PDE4D: variants seen among roughly 807,000 people sequenced by gnomAD.
PDE4D encodes the protein phosphodiesterase 4D.
In PDE4D, 24 loss-of-function variants were observed where a neutral mutation model predicts 87.4. That is an observed-to-expected ratio of 0.27 (90% CI 0.20 to 0.39). The LOEUF (loss-of-function observed/expected upper bound fraction) is 0.39. Among genes scored for constraint, PDE4D ranks in the 10% least tolerant of loss-of-function variants. The probability of loss-of-function intolerance (pLI) is 1.00; values close to 1 mark genes in which losing one functional copy is unlikely to be tolerated. For missense variants in PDE4D, 714 were observed against 1,041.0 expected (o/e 0.69, Z 4.32); for synonymous variants, 384 against 383.2 (o/e 1.00, Z -0.02).
At chr5:59,292,343 T>C (rs1561896118) in intron 1 of PDE4D, among the ~76,000 whole-genome samples, 1 of 152,178 alleles carries the variant, frequency 6.6e-6, no homozygotes, top group Admixed American at 6.6e-5. Flanking sequence ...AAAATAACAA[T>C]CTTGCAAATA....
chr5:60,220,512 G>C (rs957523475), intron 1 of PDE4D, among the ~76,000 whole-genome samples: 1 of 152,090 alleles, frequency 6.6e-6, no homozygotes, highest in Non-Finnish European at 1.5e-5. Context: ...TATTGGTCTA[G>C]TAAGGCCTAG....
intron 5 of PDE4D, among the ~76,000 whole-genome samples, chr5:59,171,927 AAATATT>A (rs1561621582): frequency 8.8e-6 from 1 of 113,128 alleles, no homozygotes; most frequent in Non-Finnish European, 1.6e-5. Flanking sequence ...ATTATATAAT[AAATATT>A]ATATTTATTT....
chr5:60,247,484 T>C (rs1355530635), intron 1 of PDE4D, among the ~76,000 whole-genome samples: 2 of 151,996 alleles, frequency 1.3e-5, no homozygotes, highest in Non-Finnish European at 2.9e-5. Flanking sequence ...TGAAACTTTT[T>C]CAGTTCACAA....
At chr5:59,744,502 A>G (rs1389234941) in intron 1 of PDE4D, among the ~76,000 whole-genome samples, 1 of 152,198 alleles carries the variant, frequency 6.6e-6, no homozygotes, top group Admixed American at 6.5e-5. Flanking sequence ...TGGCCCTAGT[A>G]TAAAGCCTGA....
intron 1 of PDE4D, among the ~76,000 whole-genome samples, chr5:59,536,279 G>T (rs1012755595): frequency 2.6e-5 from 4 of 151,984 alleles, no homozygotes; most frequent in African/African-American, 9.7e-5. Context: ...GCCGAGATGG[G>T]TGAATCACAA....
chr5:59,756,736 T>C (rs915280059), intron 1 of PDE4D, among the ~76,000 whole-genome samples: 2 of 152,070 alleles, frequency 1.3e-5, no homozygotes, highest in African/African-American at 4.8e-5. Context: ...CAACTATTTA[T>C]TGAATGTATA....
intron 1 of PDE4D, among the ~76,000 whole-genome samples, chr5:59,315,398 GC>G (rs1489648628): frequency 1.3e-5 from 2 of 152,148 alleles, no homozygotes; most frequent in Non-Finnish European, 2.9e-5. Context: ...CCTTATTTCA[GC>G]AGGAAGCAGC....
intron 2 of PDE4D, among the ~76,000 whole-genome samples, chr5:60,004,914 AAT>A (rs1764329882): frequency 6.6e-6 from 1 of 152,180 alleles, no homozygotes; most frequent in African/African-American, 2.4e-5. Flanking sequence ...AAAAATTAAA[AAT>A]AGAGATACCA....
At chr5:59,131,548 G>A (rs1776263206) in intron 5 of PDE4D, among the ~76,000 whole-genome samples, 1 of 150,910 alleles carries the variant, frequency 6.6e-6, no homozygotes, top group Non-Finnish European at 1.5e-5. Context: ...CCAAAAGGGA[G>A]TTTTACTGGC....
chr5:59,022,592 C>T (rs1053722549), intron 6 of PDE4D, among the ~76,000 whole-genome samples: 5 of 152,168 alleles, frequency 3.3e-5, no homozygotes, highest in Non-Finnish European at 7.3e-5. Context: ...ATCCCACCTC[C>T]AAATCCTTTA....
chr5:60,226,714 G>A (rs1745149615), intron 1 of PDE4D, among the ~76,000 whole-genome samples: 1 of 151,886 alleles, frequency 6.6e-6, no homozygotes, highest in Non-Finnish European at 1.5e-5. Flanking sequence ...TTTCAAGAGT[G>A]GTACTGGTTT....
chr5:59,468,107 C>T (rs935503424), intron 1 of PDE4D, among the ~76,000 whole-genome samples: 1 of 152,140 alleles, frequency 6.6e-6, no homozygotes, highest in African/African-American at 2.4e-5. Flanking sequence ...GAATGGTGAG[C>T]CAGCTCAGAA....
intron 2 of PDE4D, among the ~76,000 whole-genome samples, chr5:60,133,168 A>G (rs1050079386): frequency 1.3e-5 from 2 of 152,106 alleles, no homozygotes; most frequent in East Asian, 3.9e-4. Flanking sequence ...GTGTCCTCAT[A>G]TCTATCAAAT....
At chr5:59,243,340 T>A (rs181560737) in intron 1 of PDE4D, among the ~76,000 whole-genome samples, 1 of 151,690 alleles carries the variant, frequency 6.6e-6, no homozygotes, top group African/African-American at 2.4e-5. Context: ...AACAAGAGTG[T>A]CGGACTAGAC....
At position 60,388,122 on chromosome 5, in the gene PDE4D, A is replaced by C. The variant is rs569057006; in HGVS notation, c.-90+99820T>G. On this transcript the variant is annotated intron_variant, in intron 1 of 16. Coordinates refer to the PDE4D transcript ENST00000502484. Reference sequence around the variant, plus strand: ...GAGCTTCTGCGTCCTCCGTAGATGCACCACCCTCCAAGAACCTTCACGTGT... The same window carrying C: ...GAGCTTCTGCGTCCTCCGTAGATGCCCCACCCTCCAAGAACCTTCACGTGT... Among the ~76,000 whole-genome samples the C allele has an allele frequency of 1.2e-4, 19 of 152,252 alleles. No individual in the cohort carries two copies. The East Asian group carries it at 3.1e-3, about 25-fold the overall frequency.
intron 1 of PDE4D, chr5:59,217,106 G>T (rs1165811160): frequency 9.2e-6 from 4 of 435,298 alleles, no homozygotes; most frequent in Admixed American, 7.9e-5. Flanking sequence ...AGTTCTTAAC[G>T]TCATAGTCCT....
intron 1 of PDE4D, among the ~76,000 whole-genome samples, chr5:59,531,117 C>G (rs1398877223): frequency 6.6e-6 from 1 of 152,184 alleles, no homozygotes; most frequent in East Asian, 1.9e-4. Context: ...GAAACTTCAT[C>G]CTAAATCATC....
chr5:59,746,606 A>G (rs1759643663), intron 1 of PDE4D, among the ~76,000 whole-genome samples: 1 of 151,962 alleles, frequency 6.6e-6, no homozygotes, highest in African/African-American at 2.4e-5. Context: ...TAAATCCCCT[A>G]CTTTGAAATC....
intron 1 of PDE4D, among the ~76,000 whole-genome samples, chr5:59,285,067 T>TG (rs1766629880): frequency 1.3e-5 from 1 of 76,878 alleles, no homozygotes; most frequent in Non-Finnish European, 2.5e-5. Flanking sequence ...TGTGGTGGGG[T>TG]GGGGGGAGGG....
Sources: allele counts gnomAD v4.1 joint callset (sites outside exome capture counted in the v4.1 genomes callset), GRCh38; gene constraint gnomAD v4.1.1; transcripts MANE v1.5; gene names NCBI Gene and HGNC (gene_info 2026-07-23, HGNC 2026-07-21).